Variants in AGBL1 observed in about 807,000 individuals in gnomAD.
AGBL1 encodes cytosolic carboxypeptidase 4.
Under a neutral mutation model 118.9 loss-of-function variants are expected in AGBL1, and 130 were observed. That is an observed-to-expected ratio of 1.09 (90% CI 0.95 to 1.26). The LOEUF (loss-of-function observed/expected upper bound fraction) is 1.26, where lower values mean the gene tolerates loss of function less well. Ranked by LOEUF, AGBL1 falls within the 50% of genes most tolerant of loss-of-function variation. AGBL1 has a pLI of 0.00. For synonymous variants in AGBL1, 555 were observed against 478.9 expected (o/e 1.16, Z -2.08); for missense variants, 1,584 against 1,298.1 (o/e 1.22, Z -3.38).
At position 86,847,260 on chromosome 15, in the gene AGBL1, G is replaced by C. The variant is rs551391624; in HGVS notation, c.3159-59827G>C. Among the ~76,000 whole-genome samples the C allele has an allele frequency of 2.6e-5, 4 of 152,268 alleles. No homozygotes were observed. The South Asian group carries it at 8.3e-4, about 32-fold the overall frequency. On this transcript the variant is annotated intron_variant, in intron 22 of 22. Transcript: ENST00000614907. ...AGTTCAATCTATAGGCCCACTCAAA[G>C]ACAGTTTCTAATCACTGCTTGTTCT...
chr15:86,133,596 A>G (rs1018407826), intron 1 of AGBL1, among the ~76,000 whole-genome samples: 5 of 152,200 alleles, frequency 3.3e-5, no homozygotes, highest in Admixed American at 2.6e-4. Context: ...ATGCTCAACA[A>G]ACATCTACCA....
intron 21 of AGBL1, among the ~76,000 whole-genome samples, 162 bp downstream of exon 21, chr15:86,554,699 G>T (rs969102015): frequency 2.0e-5 from 3 of 152,164 alleles, no homozygotes; most frequent in African/African-American, 4.8e-5. Flanking sequence ...GCTTTCACCT[G>T]CAGGATCATC....
chr15:86,966,896 A>C (rs1185172336), intron 23 of AGBL1, among the ~76,000 whole-genome samples: 1 of 152,038 alleles, frequency 6.6e-6, no homozygotes, highest in Non-Finnish European at 1.5e-5. Context: ...CCGAGAAATC[A>C]CCACACTGAC....
chr15:86,876,488 C>G (rs887483581), intron 22 of AGBL1, among the ~76,000 whole-genome samples: 8 of 152,194 alleles, frequency 5.3e-5, no homozygotes, highest in African/African-American at 1.2e-4. Flanking sequence ...GGAACTCCCT[C>G]TCCTGCGGGA....
At chr15:86,482,837 T>G (rs1439376622) in intron 18 of AGBL1, among the ~76,000 whole-genome samples, 1 of 152,032 alleles carries the variant, frequency 6.6e-6, no homozygotes, top group Non-Finnish European at 1.5e-5. Flanking sequence ...AAAAGCTTCA[T>G]CAGCCAAGCA....
At chr15:86,394,928 T>A (rs1285282517) in intron 17 of AGBL1, among the ~76,000 whole-genome samples, 1 of 152,148 alleles carries the variant, frequency 6.6e-6, no homozygotes, top group African/African-American at 2.4e-5. Flanking sequence ...TATTTTAATA[T>A]GGACAAATTC....
At chr15:86,705,559 A>T (rs182317007) in intron 22 of AGBL1, among the ~76,000 whole-genome samples, 1 of 152,316 alleles carries the variant, frequency 6.6e-6, no homozygotes, top group East Asian at 1.9e-4. Flanking sequence ...TTAGCATTGG[A>T]GTTAAATGAG....
intron 21 of AGBL1, among the ~76,000 whole-genome samples, chr15:86,653,388 C>A (rs2085409623): frequency 6.6e-6 from 1 of 152,140 alleles, no homozygotes; most frequent in South Asian, 2.1e-4. Context: ...ACCACAAAGC[C>A]CCTGCTCTTT....
At chr15:86,574,024 C>T (rs12593647) in intron 21 of AGBL1, among the ~76,000 whole-genome samples, 1 of 151,810 alleles carries the variant, frequency 6.6e-6, no homozygotes, top group South Asian at 2.1e-4. Context: ...AAACTACCAG[C>T]GACCAAACAA....
intron 21 of AGBL1, among the ~76,000 whole-genome samples, chr15:86,653,597 A>C (rs2142500213): frequency 6.6e-6 from 1 of 152,268 alleles, no homozygotes; most frequent in Middle Eastern, 3.4e-3. Flanking sequence ...TAAAAGCACC[A>C]AGGCCTTCCC....
chr15:86,768,120 C>T (rs1443484200), intron 22 of AGBL1, among the ~76,000 whole-genome samples: 6 of 151,890 alleles, frequency 4.0e-5, no homozygotes, highest in Non-Finnish European at 8.8e-5. Flanking sequence ...TGAATCTAGT[C>T]AATGTGGGAA....
chr15:86,179,571 A>T (rs931890127), intron 5 of AGBL1, among the ~76,000 whole-genome samples: 1 of 152,232 alleles, frequency 6.6e-6, no homozygotes, highest in Non-Finnish European at 1.5e-5. Context: ...AATAAATCAC[A>T]TCTATGAAAA....
intron 23 of AGBL1, among the ~76,000 whole-genome samples, chr15:86,968,038 G>T (rs16978128): frequency 0.11 from 16,752 of 151,548 alleles, 1,328 homozygotes; most frequent in African/African-American, 0.21. Flanking sequence ...AAGAGGTCCG[G>T]GATTGAATCA....
At chr15:86,447,029 G>A (rs1348252968) in intron 18 of AGBL1, among the ~76,000 whole-genome samples, 1 of 152,120 alleles carries the variant, frequency 6.6e-6, no homozygotes, top group East Asian at 1.9e-4. Context: ...ACAAGATTCT[G>A]ATTCAGAAGT....
Position 86,143,811 on chromosome 15 carries a change from T to C in AGBL1, c.228T>C (p.Pro76=). 6.2e-7 allele frequency: 1 copy of C among 1,613,822 alleles called. No homozygotes were observed. The highest frequency in any genetic ancestry group is 8.5e-7 in the Non-Finnish European group (1 of 1,179,780). Residue 76 remains proline, a synonymous_variant, in exon 3 of 23, where the codon CCT becomes CCC. Transcript: ENST00000614907. The stretch of plus-strand genomic sequence containing the variant: ...CTCCAGACTATGACATCCTCCTGCC[T>C]CTCTTCCGGCTGCTGGCCAAAGTTG... The part of the protein sequence containing the change: ...TAPPDYDILL[P]LFRLLAKVGL...
intron 18 of AGBL1, among the ~76,000 whole-genome samples, chr15:86,402,309 T>A (rs1316183505): frequency 6.6e-6 from 1 of 152,134 alleles, no homozygotes; most frequent in East Asian, 1.9e-4. Flanking sequence ...TGATTTTGTA[T>A]CCTGAAACTT....
intron 21 of AGBL1, among the ~76,000 whole-genome samples, chr15:86,653,990 G>T (rs887223682): frequency 6.6e-6 from 1 of 152,152 alleles, no homozygotes; most frequent in Non-Finnish European, 1.5e-5. Flanking sequence ...TTGATAAAAA[G>T]CTTGCCCCAA....
chr15:86,817,544 C>G (rs1017547162), intron 22 of AGBL1, among the ~76,000 whole-genome samples: 8 of 139,062 alleles, frequency 5.8e-5, no homozygotes, highest in Admixed American at 3.7e-4. Flanking sequence ...CACACACACA[C>G]AGACACACAG....
chr15:86,440,617 A>C (rs2082052512), intron 18 of AGBL1, among the ~76,000 whole-genome samples: 1 of 152,118 alleles, frequency 6.6e-6, no homozygotes, highest in Non-Finnish European at 1.5e-5. Flanking sequence ...TGATTTTCTT[A>C]CTAGACAAGG....
Sources: allele counts gnomAD v4.1 joint callset (sites outside exome capture counted in the v4.1 genomes callset), GRCh38; gene constraint gnomAD v4.1.1; transcripts MANE v1.5; gene names NCBI Gene and HGNC (gene_info 2026-07-23, HGNC 2026-07-21).